Variants in GOLGB1 observed in about 807,000 individuals in gnomAD.
GOLGB1 encodes golgin B1.
GOLGB1 carries 174 observed loss-of-function variants against 336.9 expected under a neutral mutation model. The ratio of observed to expected loss-of-function variants is 0.52; its 90% CI spans 0.46 to 0.59. GOLGB1 has a LOEUF of 0.59. Among genes scored for constraint, GOLGB1 ranks in the 20% least tolerant of loss-of-function variants. The pLI, the probability that GOLGB1 is intolerant of heterozygous loss-of-function variation, is 0.00. For synonymous variants in GOLGB1, 1,208 were observed against 1,289.2 expected, an observed-to-expected ratio of 0.94 and a Z score of 1.35; for missense variants, 3,331 against 3,645.3, an observed-to-expected ratio of 0.91 and a Z score of 2.22.
chr3:121,714,524 C>CA, intron 10 of GOLGB1, among the ~76,000 whole-genome samples: 1 of 149,304 alleles, frequency 6.7e-6, no homozygotes. Context: ...TCTTAGTTTA[C>CA]CAAAAAAAAA....
chr3:121,722,607 C>G (rs996872698), intron 5 of GOLGB1, among the ~76,000 whole-genome samples: 1 of 152,034 alleles, frequency 6.6e-6, no homozygotes, highest in Non-Finnish European at 1.5e-5. Flanking sequence ...CACATAGAGA[C>G]AGCACAAGAT....
intron 5 of GOLGB1, among the ~76,000 whole-genome samples, chr3:121,726,027 C>G (rs1007943353): frequency 6.7e-6 from 1 of 149,258 alleles, no homozygotes; most frequent in Middle Eastern, 3.4e-3. Context: ...AAATTAAAAA[C>G]AAAACTAAGG....
chr3:121,729,175 C>G lies in GOLGB1; in HGVS notation c.402+13G>C. The G allele has an allele frequency of 3.1e-6, 5 of 1,588,364 alleles. No homozygotes were observed. Among genetic ancestry groups the G allele is most frequent in the Non-Finnish European group, 4.3e-6 (5 of 1,167,624 alleles). On this transcript the variant is annotated intron_variant, in intron 4 of 21. Coordinates refer to ENST00000614479, the MANE Select transcript of GOLGB1 (RefSeq NM_001366282.2). ...TCAACTTAGGAAATATACACTACAC[C>G]CAGTCACCATACCTTGGAAAGTTGC...
In GOLGB1 at chr3:121,690,833, G is replaced by A. The variant is rs1024598333; in HGVS notation, c.8531C>T (p.Ala2844Val). ...GTGATCTCTCTCATTCTGCAGACTG[G>A]CCATAGCCTTGGAAAAGGACTGCAC... ...NQVQSFSKAM[A>V]SLQNERDHLW... Residue 2844 changes from alanine to valine, a missense_variant, in exon 14 of 22, where the codon GCC becomes GTC. Ala to Val is a moderately conservative substitution (Grantham distance 64). Coordinates refer to ENST00000614479, the MANE Select transcript of GOLGB1 (RefSeq NM_001366282.2). The A allele has an allele frequency of 6.2e-7, 1 of 1,611,988 alleles. No homozygotes were observed.
chr3:121,748,637 T>C (rs1449018370), intron 1 of GOLGB1: 1 of 165,766 alleles, frequency 6.0e-6, no homozygotes, highest in African/African-American at 2.4e-5. Context: ...ATTCTGACCA[T>C]CTAAATCTTA....
intron 5 of GOLGB1, among the ~76,000 whole-genome samples, chr3:121,726,518 T>C (rs1206323853): frequency 2.2e-5 from 2 of 90,472 alleles, no homozygotes; most frequent in East Asian, 3.1e-4. Context: ...TTTAGAAAAA[T>C]CAGAAATGAG....
chr3:121,664,478 G>A lies in GOLGB1; in HGVS notation c.*2C>T. 1 of 1,613,276 alleles carries A rather than the reference G, an allele frequency of 6.2e-7. No individual in the cohort carries two copies. The highest frequency in any genetic ancestry group is 8.5e-7 in the Non-Finnish European group (1 of 1,179,228). ...GAGTGGTCCAAAGAGTAACAACTAA[G>A]TCTATAGATGGCCCGTAAAACACAG... On this transcript the variant is annotated 3_prime_UTR_variant, in exon 22 of 22. Coordinates refer to ENST00000614479, the MANE Select transcript of GOLGB1 (RefSeq NM_001366282.2).
rs1945876680 is a variant in GOLGB1 at position 121,729,049 on chromosome 3, CTCTA to C, written c.402+135_402+138del. On this transcript the variant is annotated intron_variant, in intron 4 of 21. Coordinates refer to ENST00000614479, the MANE Select transcript of GOLGB1 (RefSeq NM_001366282.2). ...GCCTACAGTCCAGCTGAACTACAAG[CTCTA>C]TAAGAAAAAAAAAAACAAAACATTA... 19 of 557,682 alleles carry C rather than the reference CTCTA, an allele frequency of 3.4e-5. No homozygotes were observed. The South Asian group carries it at 6.0e-4, about 18-fold the overall frequency. The allele number at this position is 557,682 out of a possible 1,614,324, so 34.5% of individuals were successfully genotyped here.
At chr3:121,717,640 T>C (rs9837315) in intron 8 of GOLGB1, among the ~76,000 whole-genome samples, 18,030 of 152,176 alleles carry the variant, frequency 0.12, 1,172 homozygotes, top group East Asian at 0.24. Flanking sequence ...CTCAAGAGAA[T>C]ATTGCAGAAC....
chr3:121,681,942 C>G (rs1432084583), intron 14 of GOLGB1, 77 bp from the exon 15 acceptor site: 4 of 955,222 alleles, frequency 4.2e-6, no homozygotes, highest in African/African-American at 1.6e-5. Flanking sequence ...TAGCTCCCTA[C>G]TAAGTAGTCA....
intron 1 of GOLGB1, among the ~76,000 whole-genome samples, chr3:121,733,859 GA>G (rs1260278483): frequency 6.6e-6 from 1 of 152,184 alleles, no homozygotes; most frequent in Non-Finnish European, 1.5e-5. Flanking sequence ...GAAAAAGAGT[GA>G]ACCTTGACAT....
chr3:121,667,661 G>A, intron 19 of GOLGB1, 51 bp from the exon 20 acceptor site: 1 of 1,554,602 alleles, frequency 6.4e-7, no homozygotes, highest in Admixed American at 1.7e-5. Flanking sequence ...GAAAACAGTT[G>A]CTAATACAAG....
chr3:121,688,468 G>T (rs370196021), intron 14 of GOLGB1, among the ~76,000 whole-genome samples: 1 of 152,256 alleles, frequency 6.6e-6, no homozygotes, highest in Non-Finnish European at 1.5e-5. Context: ...GATTGCAGAC[G>T]GAGTCTGGTT....
chr3:121,669,101 C>G, intron 18 of GOLGB1, 111 bp downstream of exon 18: 1 of 1,048,924 alleles, frequency 9.5e-7, no homozygotes, highest in Non-Finnish European at 1.4e-6. Flanking sequence ...CTCCCACTTT[C>G]TTCCCTGACC....
Position 121,691,400 on chromosome 3 carries a change from G to A in GOLGB1, c.7964C>T (p.Ser2655Phe). Reference protein sequence around the residue: ...EVHRLSALFSSSQKRIAELEE... With the variant: ...EVHRLSALFSFSQKRIAELEE... Reference sequence around the variant, plus strand: ...CAGTTCTGCAATTCTCTTTTGAGAGGAGGAAAACAAAGCACTTAACCTGTG... The same window carrying A: ...CAGTTCTGCAATTCTCTTTTGAGAGAAGGAAAACAAAGCACTTAACCTGTG... Residue 2655 changes from serine (S) to phenylalanine (F), a missense_variant, in exon 14 of 22, where the codon TCC becomes TTC. Physicochemically the swap from Ser to Phe is radical, Grantham distance 155 (BLOSUM62 -2). Transcript: ENST00000614479. 2 of 1,613,702 alleles carry A rather than the reference G, an allele frequency of 1.2e-6. No homozygotes were observed. The highest frequency in any genetic ancestry group is 1.3e-5 in the African/African-American group (1 of 75,044).
At chr3:121,680,969 T>C (rs1941005866) in intron 15 of GOLGB1, among the ~76,000 whole-genome samples, 1 of 152,206 alleles carries the variant, frequency 6.6e-6, no homozygotes, top group Non-Finnish European at 1.5e-5. Flanking sequence ...TGAGCTAGCA[T>C]TTGCACTCCT....
In GOLGB1 at chr3:121,720,044, T is replaced by C. The variant is rs541635256; in HGVS notation, c.649-276A>G. On this transcript the variant is annotated intron_variant, in intron 6 of 21. Transcript: ENST00000614479. ...ATGGTTACTAGAAATGTTTTAAATA[T>C]ACAAGAAGTGTATTTTTTAAAGTTC... Among the ~76,000 whole-genome samples the C allele has an allele frequency of 8.5e-5, 13 of 152,336 alleles. No individual in the cohort carries two copies. In the South Asian group the frequency reaches 2.7e-3, roughly 32 times the overall value.
chr3:121,749,845 C>T (rs896617123), upstream of GOLGB1: 2 of 152,528 alleles, frequency 1.3e-5, no homozygotes, highest in South Asian at 2.1e-4. Flanking sequence ...TTGTTACCAA[C>T]CTATCAACAA....
intron 17 of GOLGB1, among the ~76,000 whole-genome samples, chr3:121,669,627 T>G (rs565932979): frequency 1.3e-5 from 2 of 152,148 alleles, no homozygotes; most frequent in African/African-American, 4.8e-5. Flanking sequence ...TGAAAAACCA[T>G]GAAGCAGAAG....
Sources: gnomAD v4.1 joint callset for allele counts (sites outside exome capture counted in the v4.1 genomes callset) on GRCh38, gnomAD v4.1.1 for gene constraint, MANE v1.5 for transcripts, NCBI Gene and HGNC (gene_info 2026-07-23, HGNC 2026-07-21) for gene names.